CDH8: variants seen among roughly 807,000 people sequenced by gnomAD.
CDH8 encodes the protein cadherin 8.
Under a neutral mutation model 68.1 loss-of-function variants are expected in CDH8, and 17 were observed. The observed-to-expected ratio is 0.25, with a 90% CI of 0.17 to 0.37. The LOEUF (loss-of-function observed/expected upper bound fraction) is 0.37. Among genes scored for constraint, CDH8 ranks in the 10% least tolerant of loss-of-function variants. The pLI, the probability that CDH8 is intolerant of heterozygous loss-of-function variation, is 1.00. For missense variants in CDH8, 763 were observed against 999.3 expected, an observed-to-expected ratio of 0.76 and a Z score of 3.19; for synonymous variants, 372 against 365.1, an observed-to-expected ratio of 1.02 and a Z score of -0.21.
At chr16:61,660,160 A>G (rs1963527431) in intron 10 of CDH8, among the ~76,000 whole-genome samples, 1 of 152,120 alleles carries the variant, frequency 6.6e-6, no homozygotes, top group Non-Finnish European at 1.5e-5. Flanking sequence ...CAAATAAGCA[A>G]ATAAAATAAG....
chr16:61,732,101 G>T (rs1959553723), intron 8 of CDH8, among the ~76,000 whole-genome samples: 1 of 151,422 alleles, frequency 6.6e-6, no homozygotes, highest in Admixed American at 6.6e-5. Flanking sequence ...AGAAAAATGA[G>T]CAGAGCCTCA....
At chr16:61,958,790 A>C (rs185084177) in intron 2 of CDH8, among the ~76,000 whole-genome samples, 1 of 152,288 alleles carries the variant, frequency 6.6e-6, no homozygotes, top group Non-Finnish European at 1.5e-5. Flanking sequence ...TTATCTACTA[A>C]GATTATCTAC....
At chr16:61,868,721 C>G (rs916261381) in intron 3 of CDH8, among the ~76,000 whole-genome samples, 1 of 152,086 alleles carries the variant, frequency 6.6e-6, no homozygotes, top group African/African-American at 2.4e-5. Context: ...TTTTGAAGCA[C>G]TTCAAATTCT....
chr16:61,811,014 ACT>A (rs1236926497), intron 7 of CDH8, among the ~76,000 whole-genome samples: 7 of 127,230 alleles, frequency 5.5e-5, no homozygotes, highest in Non-Finnish European at 1.1e-4. Flanking sequence ...ACAGAGTGAG[ACT>A]CTGTCTCAAA....
chr16:61,813,905 AATAAGACT>A (rs1962014008), intron 7 of CDH8, among the ~76,000 whole-genome samples: 1 of 152,226 alleles, frequency 6.6e-6, no homozygotes, highest in Admixed American at 6.5e-5. Flanking sequence ...AGCAGGAGAA[AATAAGACT>A]AAATGAGATC....
intron 10 of CDH8, among the ~76,000 whole-genome samples, chr16:61,662,692 AT>A (rs2142758823): frequency 6.6e-6 from 1 of 152,066 alleles, no homozygotes; most frequent in East Asian, 1.9e-4. Flanking sequence ...ATATCTATAT[AT>A]AGTAACTATA....
At chr16:61,690,558 C>T (rs1170652970) in intron 10 of CDH8, among the ~76,000 whole-genome samples, 1 of 152,018 alleles carries the variant, frequency 6.6e-6, no homozygotes, top group Non-Finnish European at 1.5e-5. Context: ...TATTTGTACA[C>T]TTTTGATAAG....
intron 7 of CDH8, among the ~76,000 whole-genome samples, chr16:61,809,018 C>T (rs911852912): frequency 2.0e-5 from 3 of 152,138 alleles, no homozygotes; most frequent in Non-Finnish European, 4.4e-5. Flanking sequence ...AAACCCCCGT[C>T]TCTACTAAAA....
At chr16:61,666,204 G>GTATA (rs1434725585) in intron 10 of CDH8, among the ~76,000 whole-genome samples, 9 of 142,652 alleles carry the variant, frequency 6.3e-5, no homozygotes, top group African/African-American at 1.6e-4. Context: ...GTGTGTGTGT[G>GTATA]TGTATATATA....
chr16:61,901,012 T>G (rs1963960112), intron 3 of CDH8, 167 bp downstream of exon 3: 1 of 604,342 alleles, frequency 1.7e-6, no homozygotes, highest in Non-Finnish European at 2.9e-6. Flanking sequence ...ACTAAGGGAC[T>G]AAAGCTACTG....
At position 61,655,539 on chromosome 16, in the gene CDH8, A is replaced by G; in HGVS notation, c.1837T>C (p.Tyr613His). 1 of 1,614,108 alleles carries G rather than the reference A, an allele frequency of 6.2e-7. No individual in the cohort carries two copies. The highest frequency in any genetic ancestry group is 8.5e-7 in the Non-Finnish European group (1 of 1,179,990). The change falls in exon 11 of 12, where the codon TAT becomes CAT. Residue 613 changes from tyrosine (Y) to histidine (H), a missense_variant. Physicochemically the swap from Tyr to His is moderately conservative, Grantham distance 83. Coordinates refer to ENST00000577390, the MANE Select transcript of CDH8 (RefSeq NM_001796.5). ...GVVQSCNVEA[Y>H]VLPIGLSMGA... Reference sequence around the variant, plus strand: ...ATACTGAGTCCAATTGGAAGGACATAAGCTTCGACATTGCAAGACTGGACG... The same window carrying G: ...ATACTGAGTCCAATTGGAAGGACATGAGCTTCGACATTGCAAGACTGGACG...
In CDH8 at chr16:61,652,876, G is replaced by C. The variant is rs1445757872; in HGVS notation, c.*732C>G. On this transcript the variant is annotated 3_prime_UTR_variant, in exon 12 of 12. Coordinates refer to ENST00000577390, the MANE Select transcript of CDH8 (RefSeq NM_001796.5). ...GTGTCCTTGTGGAAGAAGATGAAGA[G>C]GAGGGAACGAGGAATCCTGCTTCTA... 2 of 1,525,038 alleles carry C rather than the reference G, an allele frequency of 1.3e-6. No homozygotes were observed. The highest frequency in any genetic ancestry group is 2.5e-5 in the East Asian group (1 of 40,552). The allele number at this position is 1,525,038 out of a possible 1,614,324, so 94.5% of individuals were successfully genotyped here. A position where few individuals can be genotyped will look rare whatever the true frequency, so the allele number is the denominator to read the frequency against.
At position 61,817,615 on chromosome 16, in the gene CDH8, C is replaced by T. The variant is rs375557193; in HGVS notation, c.1141G>A (p.Val381Met). The T allele has an allele frequency of 6.5e-5, 105 of 1,613,946 alleles. No homozygotes were observed. The highest frequency in any genetic ancestry group is 4.9e-4 in the African/African-American group (37 of 75,010). Residue 381 changes from valine (V) to methionine (M), a missense_variant, in exon 7 of 12, where the codon GTG becomes ATG. By Grantham distance (21) the Val-to-Met change is conservative. Transcript: ENST00000577390. ...GGAGGCTCATCAGCATCTTCAACCACGATTTTGACTGTCGCCGTGTCTTTA... is the reference window on the plus strand; with the variant it reads ...GGAGGCTCATCAGCATCTTCAACCATGATTTTGACTGTCGCCGTGTCTTTA... Reference protein sequence around the residue: ...PFKDTATVKIVVEDADEPPVF... With the variant: ...PFKDTATVKIMVEDADEPPVF...
In CDH8 at chr16:61,843,078, T is replaced by A. The variant is rs943773214; in HGVS notation, c.667+14041A>T. ...GATACTTTCTGTCAGCTGCTGTGGG[T>A]CTGAACACACAGCCTGGACCCTCTG... On this transcript the variant is annotated intron_variant, in intron 4 of 11. Coordinates refer to ENST00000577390, the MANE Select transcript of CDH8 (RefSeq NM_001796.5). Among the ~76,000 whole-genome samples, 4 of 152,042 alleles carry A rather than the reference T, an allele frequency of 2.6e-5. No homozygotes were observed. The East Asian group carries it at 7.8e-4, about 29-fold the overall frequency.
rs978323562 is a variant in CDH8, at chr16:61,904,706, T to C, written c.253-3233A>G. ...GTCACTATCTGTGTGATAAGGGCTA[T>C]GTGAATCACTTCTCATGTAATCATT... On this transcript the variant is annotated intron_variant, in intron 2 of 11. Coordinates refer to ENST00000577390, the MANE Select transcript of CDH8 (RefSeq NM_001796.5). Among the ~76,000 whole-genome samples, 5 of 152,380 alleles carry C rather than the reference T, an allele frequency of 3.3e-5. 1 individual carries two copies. The South Asian group carries it at 8.3e-4, about 25-fold the overall frequency.
chr16:61,704,447 C>T (rs537712575), intron 10 of CDH8, among the ~76,000 whole-genome samples: 4 of 152,088 alleles, frequency 2.6e-5, no homozygotes, highest in Admixed American at 6.5e-5. Flanking sequence ...GTTTTAGAAG[C>T]GTATCTTTTA....
intron 8 of CDH8, among the ~76,000 whole-genome samples, chr16:61,782,542 A>C (rs1961101608): frequency 1.3e-5 from 2 of 152,098 alleles, no homozygotes; most frequent in Admixed American, 6.5e-5. Context: ...AGGCTTGCTT[A>C]GGTAAACAAA....
intron 10 of CDH8, among the ~76,000 whole-genome samples, chr16:61,657,638 C>T (rs1444397710): frequency 6.6e-6 from 1 of 151,962 alleles, no homozygotes; most frequent in Non-Finnish European, 1.5e-5. Context: ...AGTTTGAGTA[C>T]AGCTAATTAG....
chr16:62,021,809 G>A (rs1011032533), intron 1 of CDH8, among the ~76,000 whole-genome samples: 1 of 152,092 alleles, frequency 6.6e-6, no homozygotes, highest in Non-Finnish European at 1.5e-5. Flanking sequence ...TTCATTGGTA[G>A]CTATGTGACC....
Sources: gnomAD v4.1 joint callset for allele counts (sites outside exome capture counted in the v4.1 genomes callset) on GRCh38, gnomAD v4.1.1 for gene constraint, MANE v1.5 for transcripts, NCBI Gene and HGNC (gene_info 2026-07-23, HGNC 2026-07-21) for gene names.